KDM1A: variants seen among roughly 807,000 people sequenced by gnomAD.
KDM1A encodes the protein lysine-specific histone demethylase 1A.
A neutral mutation model predicts 109.4 loss-of-function variants in KDM1A; 49 were observed. The observed-to-expected ratio is 0.45, with a 90% CI of 0.36 to 0.57. The LOEUF (loss-of-function observed/expected upper bound fraction) is 0.57. Ranked by LOEUF, KDM1A falls within the 20% of genes least tolerant of loss-of-function variation. The probability of loss-of-function intolerance (pLI) is 0.00; values close to 1 mark genes in which losing one functional copy is unlikely to be tolerated. For synonymous variants in KDM1A, 380 were observed against 415.4 expected, an observed-to-expected ratio of 0.91 and a Z score of 1.04; for missense variants, 668 against 1,116.6, an observed-to-expected ratio of 0.60 and a Z score of 5.73.
intron 2 of KDM1A, among the ~76,000 whole-genome samples, chr1:23,032,938 C>G (rs1642031726): frequency 6.6e-6 from 1 of 152,200 alleles, no homozygotes; most frequent in African/African-American, 2.4e-5. Flanking sequence ...CTCGCTCTGT[C>G]GCCCAGGCTG....
At chr1:23,030,360 TC>T in intron 1 of KDM1A, 108 bp from the exon 2 acceptor site, 3 of 785,890 alleles carry the variant, frequency 3.8e-6, no homozygotes, top group Non-Finnish European at 5.6e-6. Flanking sequence ...TATGCTTACT[TC>T]CCTTAAAATG....
chr1:23,068,228 C>G (rs1393203159), intron 10 of KDM1A, among the ~76,000 whole-genome samples: 2 of 152,136 alleles, frequency 1.3e-5, no homozygotes, highest in Non-Finnish European at 2.9e-5. Context: ...CATGTCAGCT[C>G]AGTGCCACTT....
At chr1:23,026,290 G>GTA (rs1641798813) in intron 1 of KDM1A, among the ~76,000 whole-genome samples, 1 of 151,800 alleles carries the variant, frequency 6.6e-6, no homozygotes, top group Non-Finnish European at 1.5e-5. Flanking sequence ...TACATAGTAG[G>GTA]TATATATATT....
At chr1:23,077,180 C>A in intron 15 of KDM1A, 48 bp from the exon 16 acceptor site, 1 of 1,583,462 alleles carries the variant, frequency 6.3e-7, no homozygotes, top group Non-Finnish European at 8.6e-7. Flanking sequence ...GTGCAAATGA[C>A]ACAGATTAAT....
rs910124714 is a variant in KDM1A, at chr1:23,041,726, C to T, written c.518-2701C>T. Among the ~76,000 whole-genome samples, 21 of 152,030 alleles carry T rather than the reference C, an allele frequency of 1.4e-4. 1 individual carries two copies. Among genetic ancestry groups the T allele is most frequent in the Admixed American group, 1.4e-3 (21 of 15,264 alleles). ...AAAGTGCTGGGATTACAGGCGTGAG[C>T]CACTGTGCCCAGCCTGGAGTTTCAT... On this transcript the variant is annotated intron_variant, in intron 2 of 20. Transcript: ENST00000400181.
chr1:23,057,546 C>A lies in KDM1A; in HGVS notation c.1053C>A (p.Ala351=). The A allele has an allele frequency of 1.2e-6, 2 of 1,613,528 alleles. No individual in the cohort carries two copies. Among genetic ancestry groups the A allele is most frequent in the Non-Finnish European group, 1.7e-6 (2 of 1,179,622 alleles). The change falls in exon 8 of 21, where the codon GCC becomes GCA. Residue 351 remains alanine, a synonymous_variant. Coordinates refer to ENST00000400181, the MANE Select transcript of KDM1A (RefSeq NM_001009999.3). ...GAAACTATGTAGCTGATCTTGGAGC[C>A]ATGGTGGTAACAGGTCTTGGTAAGT... is the stretch of plus-strand genomic sequence containing the variant. ...RKGNYVADLG[A]MVVTGLGGNP...
chr1:23,074,845 T>G (rs1432876926), intron 15 of KDM1A, among the ~76,000 whole-genome samples: 4 of 152,264 alleles, frequency 2.6e-5, no homozygotes, highest in Non-Finnish European at 5.9e-5. Flanking sequence ...TTAATTGGCA[T>G]GTAAGCATGA....
At chr1:23,072,070 C>G in intron 13 of KDM1A, 54 bp from the exon 14 acceptor site, 2 of 1,056,666 alleles carry the variant, frequency 1.9e-6, no homozygotes, top group South Asian at 2.7e-5. Flanking sequence ...TACAAAGAAA[C>G]TAGGTGGATA....
At chr1:23,025,485 C>A (rs1641767522) in intron 1 of KDM1A, among the ~76,000 whole-genome samples, 1 of 152,006 alleles carries the variant, frequency 6.6e-6, no homozygotes, top group Admixed American at 6.6e-5. Flanking sequence ...CACCTGCCAC[C>A]ACGCCCAGCT....
intron 12 of KDM1A, among the ~76,000 whole-genome samples, chr1:23,070,431 A>C (rs1643283439): frequency 6.6e-6 from 1 of 151,882 alleles, no homozygotes; most frequent in Non-Finnish European, 1.5e-5. Context: ...AGATTGTGCC[A>C]TTGCACTCTA....
intron 2 of KDM1A, among the ~76,000 whole-genome samples, chr1:23,034,048 TTC>T (rs1569654327): frequency 6.6e-6 from 1 of 152,194 alleles, no homozygotes; most frequent in Non-Finnish European, 1.5e-5. Context: ...TGGAAGGAAG[TTC>T]TCTCTGTTGA....
At chr1:23,020,495 TTC>T (rs1191076062) in intron 1 of KDM1A, 3 of 152,152 alleles carry the variant, frequency 2.0e-5, no homozygotes, top group Admixed American at 2.0e-4. Context: ...CTTTTTTTTT[TTC>T]TTTTTTAAAA....
chr1:23,078,337 G>T (rs1020108392), intron 16 of KDM1A, among the ~76,000 whole-genome samples: 12 of 152,116 alleles, frequency 7.9e-5, no homozygotes, highest in Non-Finnish European at 1.3e-4. Flanking sequence ...AAATGAGCAT[G>T]TACTGAGCTT....
chr1:23,034,656 GCAGT>G (rs1213015844), intron 2 of KDM1A, among the ~76,000 whole-genome samples: 1 of 151,734 alleles, frequency 6.6e-6, no homozygotes, highest in Non-Finnish European at 1.5e-5. Flanking sequence ...CTGCCTTTCA[GCAGT>G]CAAATTTTAC....
rs764506279 is a variant in KDM1A, at chr1:23,055,128, T to G, written c.850T>G (p.Phe284Val). The change falls in exon 6 of 21, where the codon TTC becomes GTC. Residue 284 changes from phenylalanine to valine, a missense_variant. Coordinates refer to ENST00000400181, the MANE Select transcript of KDM1A (RefSeq NM_001009999.3). The stretch of plus-strand genomic sequence containing the variant: ...TTTAGAGCGTCATGGTCTTATCAAC[T>G]TCGGCATCTATAAGAGGATAAAACC... Reference protein sequence around the residue: ...SYLERHGLINFGIYKRIKPLP... With the variant: ...SYLERHGLINVGIYKRIKPLP... 6.2e-7 allele frequency: 1 copy of G among 1,612,310 alleles called. No homozygotes were observed. Among genetic ancestry groups the G allele is most frequent in the African/African-American group, 1.3e-5 (1 of 74,958 alleles).
chr1:23,025,847 T>G, intron 1 of KDM1A, among the ~76,000 whole-genome samples: 1 of 152,102 alleles, frequency 6.6e-6, no homozygotes, highest in Non-Finnish European at 1.5e-5. Flanking sequence ...ATCCCAGCAC[T>G]TTGGGAGGCC....
chr1:23,069,035 C>T (rs1181511746), intron 11 of KDM1A, 26 bp from the exon 12 acceptor site: 7 of 1,515,748 alleles, frequency 4.6e-6, no homozygotes, highest in Non-Finnish European at 6.3e-6. Context: ...GCTTTGAGAG[C>T]AGATTATACA....
intron 9 of KDM1A, 35 bp from the exon 10 acceptor site, chr1:23,066,025 C>G: frequency 6.2e-7 from 1 of 1,604,794 alleles, no homozygotes; most frequent in Admixed American, 1.7e-5. Context: ...CTGTTATTTA[C>G]AGTTTATTTC....
At chr1:23,070,669 A>G (rs1343774242) in intron 12 of KDM1A, among the ~76,000 whole-genome samples, 1 of 151,810 alleles carries the variant, frequency 6.6e-6, no homozygotes, top group East Asian at 1.9e-4. Flanking sequence ...TTAGTTGGGC[A>G]TGGTGGCGGG....
Sources: gnomAD v4.1 joint callset for allele counts (sites outside exome capture counted in the v4.1 genomes callset) on GRCh38, gnomAD v4.1.1 for gene constraint, MANE v1.5 for transcripts, NCBI Gene and HGNC (gene_info 2026-07-23, HGNC 2026-07-21) for gene names.